GFRA4: variants seen among roughly 807,000 people sequenced by gnomAD.
GFRA4 encodes GDNF family receptor alpha-4.
A neutral mutation model predicts 28.5 loss-of-function variants in GFRA4; 31 were observed. The observed-to-expected ratio is 1.09, with a 90% CI of 0.82 to 1.47. GFRA4 has a LOEUF of 1.47. Ranked by LOEUF, GFRA4 falls within the 40% of genes most tolerant of loss-of-function variation. The pLI is 0.00. For synonymous variants in GFRA4, 188 were observed against 188.0 expected (o/e 1.00, Z 0.00); for missense variants, 389 against 413.2 (o/e 0.94, Z 0.51).
chr20:3,660,468 G>T, intron 4 of GFRA4, 58 bp downstream of exon 4: 1 of 1,498,564 alleles, frequency 6.7e-7, no homozygotes, highest in Non-Finnish European at 9.0e-7. Flanking sequence ...CAGGCGGCTT[G>T]GGAGGGGGCA....
At position 3,660,926 on chromosome 20, in the gene GFRA4, G is replaced by A; in HGVS notation, c.392+18C>T. The stretch of plus-strand genomic sequence containing the variant: ...CCGTCCCCACCCTCGCCACGGCCCC[G>A]CCGCCGCCCGCGCGCACCTGCAGAC... On this transcript the variant is annotated intron_variant, in intron 2 of 5. Transcript: ENST00000290417. 1 of 1,376,466 alleles carries A rather than the reference G, an allele frequency of 7.3e-7. No homozygotes were observed. Among genetic ancestry groups the A allele is most frequent in the Non-Finnish European group, 9.3e-7 (1 of 1,076,258 alleles). 85.3% of individuals were successfully genotyped at this position (1,376,466 alleles called of 1,614,324 possible). A position where few individuals can be genotyped will look rare whatever the true frequency, so the allele number is the denominator to read the frequency against.
Position 3,660,620 on chromosome 20 carries a change from C to G in GFRA4, c.543G>C (p.Ala181=), listed in dbSNP as rs752398404. ...CGCAGTCGCACCAGGGCGCCACGCG[C>G]GCGCTCACGTTGTCCACGTAGTTAG... ...VTPNYVDNVS[A]RVAPWCDCGA... is the part of the protein sequence containing the mutation. Residue 181 remains alanine, a synonymous_variant, in exon 4 of 6, where the codon GCG becomes GCC. Transcript: ENST00000290417. The G allele has an allele frequency of 6.4e-7, 1 of 1,551,242 alleles. No homozygotes were observed. The highest frequency in any genetic ancestry group is 2.0e-5 in the Admixed American group (1 of 51,204).
At chr20:3,662,662 G>A (rs528433935) in intron 1 of GFRA4, among the ~76,000 whole-genome samples, 8 of 152,280 alleles carry the variant, frequency 5.3e-5, no homozygotes, top group East Asian at 1.9e-4. Context: ...AGATGGCAGC[G>A]GGGTGAGTCC....
rs1420857081 is a variant in GFRA4 at position 3,659,999 on chromosome 20, G to A, written c.730-10C>T. The A allele has an allele frequency of 6.4e-7, 1 of 1,563,862 alleles. No homozygotes were observed. Among genetic ancestry groups the A allele is most frequent in the Non-Finnish European group, 8.7e-7 (1 of 1,154,280 alleles). On this transcript the variant is annotated splice_polypyrimidine_tract_variant and intron_variant, in intron 5 of 5. Transcript: ENST00000290417. ...TGCCTGTGGAGGACACCTTGGGGGTGGGAGCCAAGTGCAGACTTGAGGCAA... is the reference window on the plus strand; with the variant it reads ...TGCCTGTGGAGGACACCTTGGGGGTAGGAGCCAAGTGCAGACTTGAGGCAA...
chr20:3,661,395 A>G lies in GFRA4; in HGVS notation c.47-106T>C, dbSNP rs532654583. ...GTGGGGGACACTGAAAACCCGAGAA[A>G]GCATAGAGTGTGGCCCAAAGGCGGG... On this transcript the variant is annotated intron_variant, in intron 1 of 5. Coordinates refer to ENST00000290417, the MANE Select transcript of GFRA4 (RefSeq NM_022139.4). 4.3e-3 allele frequency: 5,680 copies of G among 1,319,636 alleles called. 12 individuals carry two copies. Among genetic ancestry groups the G allele is most frequent in the Non-Finnish European group, 4.9e-3 (5,107 of 1,035,510 alleles). The allele number at this position is 1,319,636 out of a possible 1,614,324, so 81.7% of individuals were successfully genotyped here. A position where few individuals can be genotyped will look rare whatever the true frequency, so the allele number is the denominator to read the frequency against.
chr20:3,662,227 G>T (rs539074261), intron 1 of GFRA4, among the ~76,000 whole-genome samples: 1 of 152,226 alleles, frequency 6.6e-6, no homozygotes, highest in Admixed American at 6.5e-5. Flanking sequence ...CAGAGGGTGA[G>T]CTCTGCCCAC....
intron 4 of GFRA4, 60 bp from the exon 5 acceptor site, chr20:3,660,309 C>G: frequency 7.2e-7 from 1 of 1,395,308 alleles, no homozygotes; most frequent in Non-Finnish European, 9.8e-7. Context: ...GGGCTCAGCA[C>G]AGGGGACAAA....
In GFRA4 at chr20:3,660,212, TG is replaced by T; in HGVS notation, c.674del (p.Pro225GlnfsTer7). Reference sequence around the variant, plus strand: ...GGGGGTTCAGCTGGTCCAGCAGGACTGGGGGCCACCCGCTGGCAAAGGCCTG... The same window carrying T: ...GGGGGTTCAGCTGGTCCAGCAGGACTGGGGCCACCCGCTGGCAAAGGCCTG... ...AIQAFASGWP[P>X]VLLDQLNPQG... On this transcript the variant is annotated frameshift_variant, in exon 5 of 6. Transcript: ENST00000290417. LOFTEE classifies it high-confidence loss of function. 1.9e-6 allele frequency: 3 copies of T among 1,606,154 alleles called. No homozygotes were observed. Among genetic ancestry groups the T allele is most frequent in the Non-Finnish European group, 2.5e-6 (3 of 1,177,056 alleles).
In GFRA4 at chr20:3,659,953, G is replaced by A; in HGVS notation, c.766C>T (p.Leu256=). Reference sequence around the variant, plus strand: ...GCCAGGACAGGAAGTATGGAGAGCAGGGAGCGTCTCTCCAGGGCCCTGCCT... The same window carrying A: ...GCCAGGACAGGAAGTATGGAGAGCAAGGAGCGTCTCTCCAGGGCCCTGCCT... ...STGRALERRS[L]LSILPVLALP... Residue 256 remains leucine, a synonymous_variant, in exon 6 of 6, where the codon CTG becomes TTG. Transcript: ENST00000290417. The A allele has an allele frequency of 6.3e-7, 1 of 1,596,796 alleles. No individual in the cohort carries two copies. The highest frequency in any genetic ancestry group is 8.5e-7 in the Non-Finnish European group (1 of 1,172,800).
chr20:3,660,610 G>A lies in GFRA4; in HGVS notation c.553C>T (p.Pro185Ser), dbSNP rs1171260782. Residue 185 changes from proline to serine, a missense_variant, in exon 4 of 6, where the codon CCC becomes TCC. By Grantham distance (74) the Pro-to-Ser change is moderately conservative. Transcript: ENST00000290417. ...CCGCTGGCTCCGCAGTCGCACCAGG[G>A]CGCCACGCGCGCGCTCACGTTGTCC... The part of the protein sequence containing the change: ...YVDNVSARVA[P>S]WCDCGASGNR... The A allele has an allele frequency of 1.9e-6, 3 of 1,550,822 alleles. No individual in the cohort carries two copies. The highest frequency in any genetic ancestry group is 4.9e-5 in the East Asian group (2 of 41,050).
Position 3,660,803 on chromosome 20 carries a change from G to A in GFRA4, c.454C>T (p.Leu152=), listed in dbSNP as rs2087211591. 8 of 1,415,028 alleles carry A rather than the reference G, an allele frequency of 5.7e-6. No individual in the cohort carries two copies. Among genetic ancestry groups the A allele is most frequent in the African/African-American group, 1.5e-5 (1 of 66,280 alleles). 87.7% of individuals were successfully genotyped at this position (1,415,028 alleles called of 1,614,324 possible). A position where few individuals can be genotyped will look rare whatever the true frequency, so the allele number is the denominator to read the frequency against. Residue 152 remains leucine (L), a synonymous_variant, in exon 3 of 6, where the codon CTG becomes TTG. Transcript: ENST00000290417. ...TPAPSAPDGC[L]LDQGARCLRA... ...AGGCAGCGGGCGCCCTGGTCCAGCA[G>A]GCAGCCGTCGGGGGCGCTGGGCGCT...
chr20:3,660,313 G>A (rs1384218693), intron 4 of GFRA4, 64 bp from the exon 5 acceptor site: 3 of 1,363,064 alleles, frequency 2.2e-6, no homozygotes, highest in Non-Finnish European at 3.0e-6. Flanking sequence ...TCAGCACAGG[G>A]GACAAAGTGA....
In GFRA4 at chr20:3,659,466, G is replaced by C. The variant is rs931693583; in HGVS notation, c.*443C>G. 4 of 186,790 alleles carry C rather than the reference G, an allele frequency of 2.1e-5. No homozygotes were observed. The highest frequency in any genetic ancestry group is 4.5e-5 in the Non-Finnish European group (4 of 88,410). The allele number at this position is 186,790 out of a possible 1,614,324, so 11.6% of individuals were successfully genotyped here. A position where few individuals can be genotyped will look rare whatever the true frequency, so the allele number is the denominator to read the frequency against. On this transcript the variant is annotated 3_prime_UTR_variant, in exon 6 of 6. Transcript: ENST00000290417. The stretch of plus-strand genomic sequence containing the variant: ...CAGTTGGGAGGATGCAGTGTTAGAC[G>C]GGGTCTTGTCCGATGGATTCCTTAG...
In GFRA4 at chr20:3,660,823, G is replaced by A; in HGVS notation, c.434C>T (p.Pro145Leu). The A allele has an allele frequency of 7.1e-7, 1 of 1,415,218 alleles. No homozygotes were observed. Among genetic ancestry groups the A allele is most frequent in the Non-Finnish European group, 9.1e-7 (1 of 1,096,936 alleles). The allele number at this position is 1,415,218 out of a possible 1,614,324, so 87.7% of individuals were successfully genotyped here. A position where few individuals can be genotyped will look rare whatever the true frequency, so the allele number is the denominator to read the frequency against. The change falls in exon 3 of 6, where the codon CCC (proline) becomes CTC (leucine). Residue 145 changes from proline (P) to leucine (L), a missense_variant. By Grantham distance (98) the Pro-to-Leu change is moderately conservative. Coordinates refer to ENST00000290417, the MANE Select transcript of GFRA4 (RefSeq NM_022139.4). ...CAGCAGGCAGCCGTCGGGGGCGCTG[G>A]GCGCTGGGGTGCACGAGACCTGAAA... ...LAFQVSCTPA[P>L]SAPDGCLLDQ...
chr20:3,660,889 C>G, intron 2 of GFRA4, 25 bp from the exon 3 acceptor site: 1 of 1,400,614 alleles, frequency 7.1e-7, no homozygotes, highest in Non-Finnish European at 9.2e-7. Context: ...GGCGGTGAGC[C>G]GGAGAGAGGC....
chr20:3,661,374 G>A, intron 1 of GFRA4, 85 bp from the exon 2 acceptor site: 2 of 1,331,968 alleles, frequency 1.5e-6, no homozygotes, highest in Non-Finnish European at 1.9e-6. Flanking sequence ...TGGAAGGTGG[G>A]GGACACTGAA....
intron 4 of GFRA4, 28 bp downstream of exon 4, chr20:3,660,498 C>T (rs550972207): frequency 6.6e-7 from 1 of 1,507,256 alleles, no homozygotes; most frequent in African/African-American, 1.4e-5. Flanking sequence ...GCCCCCACTC[C>T]CCCTCCACTC....
Position 3,660,160 on chromosome 20 carries a change from G to T in GFRA4, c.727C>A (p.Gln243Lys). The T allele has an allele frequency of 6.3e-7, 1 of 1,587,862 alleles. No individual in the cohort carries two copies. Among genetic ancestry groups the T allele is most frequent in the South Asian group, 1.1e-5 (1 of 87,288 alleles). ...CACCCTCCCCTCCCTGCACCTACCT[G>T]CAGGAGGCTGTGCTCCGGGTCTCCC... Reference protein sequence around the residue: ...PQGDPEHSLLQVSSTGRALER... With the variant: ...PQGDPEHSLLKVSSTGRALER... The change falls in exon 5 of 6, where the codon CAG (glutamine) becomes AAG (lysine). Residue 243 changes from glutamine (Q) to lysine (K), a missense_variant and splice_region_variant. Transcript: ENST00000290417.
At chr20:3,660,086 C>T (rs2087200505) in intron 5 of GFRA4, 72 bp downstream of exon 5, 1 of 1,514,812 alleles carries the variant, frequency 6.6e-7, no homozygotes, top group Admixed American at 2.1e-5. Flanking sequence ...CCACCCAGGC[C>T]CACCAGGGAC....
Sources: allele counts gnomAD v4.1 joint callset (sites outside exome capture counted in the v4.1 genomes callset), GRCh38; gene constraint gnomAD v4.1.1; transcripts MANE v1.5; gene names NCBI Gene and HGNC (gene_info 2026-07-23, HGNC 2026-07-21).